Variants in NAALADL2 observed in about 807,000 individuals in gnomAD.
The protein encoded by NAALADL2 is inactive N-acetylated-alpha-linked acidic dipeptidase-like protein 2.
NAALADL2 carries 76 observed loss-of-function variants against 87.2 expected under a neutral mutation model. The ratio of observed to expected loss-of-function variants is 0.87; its 90% CI spans 0.72 to 1.05. The LOEUF is 1.05. Among genes scored for constraint, NAALADL2 ranks in the 50% least tolerant of loss-of-function variants. NAALADL2 has a pLI of 0.00. For synonymous variants in NAALADL2, 354 were observed against 331.0 expected (o/e 1.07, Z -0.75); for missense variants, 1,089 against 945.8 (o/e 1.15, Z -1.99).
In NAALADL2 at chr3:175,264,741, A is replaced by G. The variant is rs142865675; in HGVS notation, c.939+8211A>G. 3.0e-4 allele frequency among the ~76,000 whole-genome samples: 46 copies of G among 151,844 alleles called. No individual in the cohort carries two copies. In the East Asian group the frequency reaches 6.9e-3, roughly 23 times the overall value. On this transcript the variant is annotated intron_variant, in intron 4 of 13. Transcript: ENST00000454872. ...GATGGTACATGCTTTAGATTTTTAC[A>G]TCCTTCAGTGTTTATTTTTATGCAT...
At chr3:175,615,830 C>T (rs1380142918) in intron 10 of NAALADL2, among the ~76,000 whole-genome samples, 1 of 150,084 alleles carries the variant, frequency 6.7e-6, no homozygotes, top group African/African-American at 2.4e-5. Context: ...GCACTCCAGC[C>T]TGGGTGACAG....
At chr3:175,679,241 G>T (rs991383686) in intron 11 of NAALADL2, among the ~76,000 whole-genome samples, 2 of 150,612 alleles carry the variant, frequency 1.3e-5, no homozygotes, top group African/African-American at 2.5e-5. Flanking sequence ...GGGCTCAGAG[G>T]CCTGACAACA....
chr3:174,474,325 G>T (rs753450641), intron 1 of NAALADL2, among the ~76,000 whole-genome samples: 119 of 152,238 alleles, frequency 7.8e-4, no homozygotes, highest in Non-Finnish European at 1.2e-3. Context: ...ACTGAATGTA[G>T]TCATAATGTT....
chr3:175,137,252 T>C (rs866503415), intron 2 of NAALADL2, among the ~76,000 whole-genome samples: 1 of 152,162 alleles, frequency 6.6e-6, no homozygotes, highest in Non-Finnish European at 1.5e-5. Flanking sequence ...CATTGATTGA[T>C]ATGTTTCCTT....
intron 1 of NAALADL2, among the ~76,000 whole-genome samples, chr3:175,090,566 AT>A (rs5854608): frequency 0.22 from 32,419 of 145,288 alleles, 3,665 homozygotes; most frequent in Non-Finnish European, 0.28. Flanking sequence ...TTCACCAATG[AT>A]TTTTTTTTTT....
intron 2 of NAALADL2, among the ~76,000 whole-genome samples, chr3:174,713,512 G>A (rs1730886439): frequency 1.3e-5 from 2 of 152,290 alleles, no homozygotes; most frequent in Non-Finnish European, 2.9e-5. Flanking sequence ...GGTGTGAGAT[G>A]ATATCTCATT....
intron 1 of NAALADL2, among the ~76,000 whole-genome samples, chr3:175,060,693 A>T (rs376746214): frequency 1.7e-4 from 26 of 152,340 alleles, no homozygotes; most frequent in African/African-American, 5.8e-4. Flanking sequence ...GCTACAGGGT[A>T]TACATAGTAG....
chr3:174,841,352 T>G (rs1337886654), intron 3 of NAALADL2, among the ~76,000 whole-genome samples: 1 of 152,218 alleles, frequency 6.6e-6, no homozygotes, highest in Middle Eastern at 3.2e-3. Flanking sequence ...ACAAGAAACC[T>G]CACCTTTTAC....
chr3:174,781,682 A>T (rs899568245), intron 3 of NAALADL2, among the ~76,000 whole-genome samples: 4 of 151,954 alleles, frequency 2.6e-5, no homozygotes, highest in African/African-American at 9.7e-5. Flanking sequence ...AAAGAGAAAT[A>T]AATCAGATAG....
intron 3 of NAALADL2, among the ~76,000 whole-genome samples, chr3:174,803,403 G>T (rs1002803647): frequency 6.6e-6 from 1 of 152,040 alleles, no homozygotes; most frequent in Non-Finnish European, 1.5e-5. Flanking sequence ...AGATTGGAAA[G>T]ATTTTCTCCC....
In NAALADL2 at chr3:174,731,570, C is replaced by T. The variant is rs115325428; in HGVS notation, c.-114-6071C>T. On this transcript the variant is annotated intron_variant, in intron 2 of 3. Coordinates refer to the NAALADL2 transcript ENST00000434257. ...CATAGCCAGGCCAAGTCATCATGGT[C>T]GGGTGTTAATAAATGATTCTCTGTT... is the stretch of plus-strand genomic sequence containing the variant. Among the ~76,000 whole-genome samples the T allele has an allele frequency of 2.9e-3, 448 of 152,134 alleles. 1 individual carries two copies. The highest frequency in any genetic ancestry group is 9.7e-3 in the African/African-American group (404 of 41,528).
At chr3:174,986,241 A>T (rs778729015) in intron 1 of NAALADL2, among the ~76,000 whole-genome samples, 11 of 147,904 alleles carry the variant, frequency 7.4e-5, no homozygotes, top group Non-Finnish European at 1.3e-4. Flanking sequence ...ATGTGTGTAT[A>T]TATATATTCA....
chr3:175,515,266 A>G (rs1286288933), intron 9 of NAALADL2, among the ~76,000 whole-genome samples: 1 of 152,210 alleles, frequency 6.6e-6, no homozygotes, highest in African/African-American at 2.4e-5. Context: ...AATAGCTAGT[A>G]TCAAACAGAG....
At chr3:175,455,039 C>T (rs930103876) in intron 6 of NAALADL2, among the ~76,000 whole-genome samples, 2 of 152,026 alleles carry the variant, frequency 1.3e-5, no homozygotes, top group African/African-American at 4.8e-5. Context: ...TACTGTAAAC[C>T]TGAAAGGGCA....
At chr3:175,004,978 A>G (rs1748821733) in intron 1 of NAALADL2, among the ~76,000 whole-genome samples, 3 of 152,152 alleles carry the variant, frequency 2.0e-5, no homozygotes, top group Non-Finnish European at 4.4e-5. Flanking sequence ...CTGTTTCAAA[A>G]TTCCTCCTCT....
intron 1 of NAALADL2, among the ~76,000 whole-genome samples, chr3:174,870,697 G>T (rs1727728236): frequency 6.6e-6 from 1 of 151,976 alleles, no homozygotes; most frequent in African/African-American, 2.4e-5. Context: ...ACTATATTTT[G>T]CAGGTGTCCA....
intron 3 of NAALADL2, among the ~76,000 whole-genome samples, chr3:174,765,626 T>C (rs1430964817): frequency 3.9e-5 from 6 of 152,348 alleles, no homozygotes; most frequent in African/African-American, 1.4e-4. Context: ...TCAAGATCCT[T>C]AGGAGTGAAT....
At chr3:175,074,478 ATTG>A (rs1230201078) in intron 1 of NAALADL2, among the ~76,000 whole-genome samples, 4 of 152,002 alleles carry the variant, frequency 2.6e-5, no homozygotes, top group African/African-American at 9.7e-5. Context: ...AACAATTTAA[ATTG>A]TTGTTATTGA....
intron 2 of NAALADL2, among the ~76,000 whole-genome samples, chr3:174,700,338 A>G (rs1560154652): frequency 6.6e-6 from 1 of 151,972 alleles, no homozygotes; most frequent in Non-Finnish European, 1.5e-5. Flanking sequence ...CTAAAATTCA[A>G]TTTACTTAAT....
Sources: allele counts gnomAD v4.1 joint callset (sites outside exome capture counted in the v4.1 genomes callset), GRCh38; gene constraint gnomAD v4.1.1; transcripts MANE v1.5; gene names NCBI Gene and HGNC (gene_info 2026-07-23, HGNC 2026-07-21).